The following CLNK variants were observed in gnomAD, a reference collection of about 807,000 sequenced individuals.
CLNK encodes cytokine-dependent hematopoietic cell linker.
In CLNK, 74 loss-of-function variants were observed where a neutral mutation model predicts 68.6. That is an observed-to-expected ratio of 1.08 (90% CI 0.89 to 1.31). The LOEUF (loss-of-function observed/expected upper bound fraction) is 1.31. Among genes scored for constraint, CLNK ranks in the 50% most tolerant of loss-of-function variants. CLNK has a pLI of 0.00. For synonymous variants in CLNK, 198 were observed against 172.2 expected, an observed-to-expected ratio of 1.15 and a Z score of -1.17; for missense variants, 553 against 515.3, an observed-to-expected ratio of 1.07 and a Z score of -0.71.
intron 2 of CLNK, among the ~76,000 whole-genome samples, chr4:10,610,723 C>T (rs1343515289): frequency 6.6e-6 from 1 of 151,116 alleles, no homozygotes; most frequent in Non-Finnish European, 1.5e-5. Flanking sequence ...TATAGGTGGT[C>T]ATGCCTGAAA....
chr4:10,697,296 A>G, the CLNK span: 1 of 152,208 alleles, frequency 6.6e-6, no homozygotes, highest in African/African-American at 2.4e-5. Context: ...CCTGAGTTTT[A>G]CTGTGGTTCA....
intron 2 of CLNK, among the ~76,000 whole-genome samples, chr4:10,618,305 A>C (rs1397314214): frequency 1.3e-5 from 2 of 152,226 alleles, no homozygotes; most frequent in Non-Finnish European, 2.9e-5. Context: ...TTTAGGTGAA[A>C]TAATCCAGAA....
At chr4:10,502,072 C>T (rs924666048) in intron 17 of CLNK, among the ~76,000 whole-genome samples, 1 of 152,238 alleles carries the variant, frequency 6.6e-6, no homozygotes, top group African/African-American at 2.4e-5. Flanking sequence ...CTCCTGGCTC[C>T]AGCCAAGCCA....
intron 4 of CLNK, among the ~76,000 whole-genome samples, chr4:10,572,003 TCAAA>T (rs1217067676): frequency 3.9e-4 from 59 of 152,292 alleles, no homozygotes; most frequent in Middle Eastern, 3.4e-3. Flanking sequence ...AGAATTCAAA[TCAAA>T]CAGTGACTTG....
At chr4:10,490,937 G>GT (rs146856796) in intron 18 of CLNK, among the ~76,000 whole-genome samples, 109,778 of 151,796 alleles carry the variant, frequency 0.72, 40,188 homozygotes, top group Non-Finnish European at 0.79. Flanking sequence ...GCTAATTTTT[G>GT]TATTTTTAGT....
rs570009686 is a variant in CLNK, at chr4:10,521,559, C to T, written c.732-728G>A. Among the ~76,000 whole-genome samples, 7 of 152,260 alleles carry T rather than the reference C, an allele frequency of 4.6e-5. No homozygotes were observed. The South Asian group carries it at 1.5e-3, about 32-fold the overall frequency. Reference sequence around the variant, plus strand: ...CAAGGACTGTGCTATTGACTAAAGCCTCTGGGTTAATTAAATGAAACCTGA... The same window carrying T: ...CAAGGACTGTGCTATTGACTAAAGCTTCTGGGTTAATTAAATGAAACCTGA... On this transcript the variant is annotated intron_variant, in intron 14 of 18. Coordinates refer to ENST00000226951, the MANE Select transcript of CLNK (RefSeq NM_052964.4).
intron 11 of CLNK, 46 bp downstream of exon 11, chr4:10,540,448 C>A: frequency 2.1e-6 from 3 of 1,452,826 alleles, no homozygotes; most frequent in South Asian, 2.3e-5. Context: ...CTCCCCCACA[C>A]CCACACTCTT....
intron 15 of CLNK, among the ~76,000 whole-genome samples, chr4:10,516,026 A>G (rs557741411): frequency 1.3e-5 from 2 of 152,296 alleles, no homozygotes; most frequent in East Asian, 3.9e-4. Context: ...AAAATAACAT[A>G]TTATCATTGC....
intron 2 of CLNK, among the ~76,000 whole-genome samples, chr4:10,662,473 T>C (rs1724232583): frequency 6.6e-6 from 1 of 152,244 alleles, no homozygotes; most frequent in Non-Finnish European, 1.5e-5. Flanking sequence ...TTGGGATTAA[T>C]GAAGAACATA....
At chr4:10,557,561 C>A (rs1330432251) in intron 8 of CLNK, among the ~76,000 whole-genome samples, 1 of 152,194 alleles carries the variant, frequency 6.6e-6, no homozygotes, top group Admixed American at 6.5e-5. Flanking sequence ...TAGGGCCAGC[C>A]CCGCTGCTGT....
intron 2 of CLNK, among the ~76,000 whole-genome samples, chr4:10,623,209 T>C (rs1465347175): frequency 6.6e-6 from 1 of 152,218 alleles, no homozygotes; most frequent in African/African-American, 2.4e-5. Flanking sequence ...CTTCATGAAC[T>C]CCTGACTTAA....
At chr4:10,562,439 C>T (rs1560217493) in intron 7 of CLNK, among the ~76,000 whole-genome samples, 1 of 151,812 alleles carries the variant, frequency 6.6e-6, no homozygotes, top group South Asian at 2.1e-4. Flanking sequence ...TGCAGTCTCG[C>T]TTGGTCACCA....
intron 2 of CLNK, among the ~76,000 whole-genome samples, chr4:10,655,783 C>T (rs1388185035): frequency 6.0e-5 from 9 of 151,012 alleles, no homozygotes; most frequent in African/African-American, 2.0e-4. Context: ...CTGAGTAGCT[C>T]GGACTACAGG....
intron 17 of CLNK, 36 bp from the exon 18 acceptor site, chr4:10,501,447 A>C (rs1487477240): frequency 3.8e-6 from 6 of 1,592,172 alleles, no homozygotes; most frequent in Middle Eastern, 1.7e-4. Flanking sequence ...CTTTTCAGAC[A>C]CGCCAGCATT....
At chr4:10,502,048 C>A (rs1424722648) in intron 17 of CLNK, among the ~76,000 whole-genome samples, 2 of 152,370 alleles carry the variant, frequency 1.3e-5, no homozygotes, top group Non-Finnish European at 2.9e-5. Flanking sequence ...GCTCCTGCAG[C>A]TTTCTGCCTC....
intron 2 of CLNK, among the ~76,000 whole-genome samples, chr4:10,604,617 T>C (rs992150212): frequency 6.6e-6 from 1 of 151,808 alleles, no homozygotes; most frequent in Non-Finnish European, 1.5e-5. Flanking sequence ...TATGTGTGTA[T>C]GGGGTCTACT....
At chr4:10,691,186 C>CAT in the CLNK span, among the ~76,000 whole-genome samples, 2 of 151,908 alleles carry the variant, frequency 1.3e-5, no homozygotes, top group Non-Finnish European at 2.9e-5. Flanking sequence ...TTGGGATATA[C>CAT]ATATATATAA....
intron 1 of CLNK, among the ~76,000 whole-genome samples, chr4:10,681,673 C>A (rs1417420333): frequency 2.6e-5 from 4 of 152,140 alleles, no homozygotes; most frequent in African/African-American, 9.7e-5. Context: ...TGTGGTGTAT[C>A]TGGGAGTTCC....
At chr4:10,573,167 C>G (rs551799933) in intron 4 of CLNK, among the ~76,000 whole-genome samples, 3 of 152,242 alleles carry the variant, frequency 2.0e-5, no homozygotes, top group African/African-American at 7.2e-5. Context: ...ACTCTGAATT[C>G]CCCTATCTTA....
Sources: allele counts gnomAD v4.1 joint callset (sites outside exome capture counted in the v4.1 genomes callset), GRCh38; gene constraint gnomAD v4.1.1; transcripts MANE v1.5; gene names NCBI Gene and HGNC (gene_info 2026-07-23, HGNC 2026-07-21).